Variants in TASP1 observed in about 807,000 individuals in gnomAD.
The protein encoded by TASP1 is taspase 1, also known as threonine aspartase 1.
Under a neutral mutation model 56.6 loss-of-function variants are expected in TASP1, and 16 were observed. The observed-to-expected ratio is 0.28, with a 90% CI of 0.19 to 0.43. The LOEUF (loss-of-function observed/expected upper bound fraction) is 0.43, where lower values mean the gene tolerates loss of function less well. Among genes scored for constraint, TASP1 ranks in the 20% least tolerant of loss-of-function variants. The probability of loss-of-function intolerance (pLI) is 1.00; values close to 1 mark genes in which losing one functional copy is unlikely to be tolerated. For synonymous variants in TASP1, 179 were observed against 184.2 expected, an observed-to-expected ratio of 0.97 and a Z score of 0.23; for missense variants, 393 against 511.6, an observed-to-expected ratio of 0.77 and a Z score of 2.24.
At chr20:13,530,540 T>C (rs777805701) in intron 9 of TASP1, among the ~76,000 whole-genome samples, 13 of 152,214 alleles carry the variant, frequency 8.5e-5, no homozygotes, top group East Asian at 7.7e-4. Flanking sequence ...TCTTTCTTCA[T>C]TGAAAACTAT....
At chr20:13,548,576 T>A (rs1262489622) in intron 8 of TASP1, among the ~76,000 whole-genome samples, 1 of 152,168 alleles carries the variant, frequency 6.6e-6, no homozygotes, top group Non-Finnish European at 1.5e-5. Context: ...GAGAACTGGC[T>A]GCCTGGTGAA....
chr20:13,124,438 G>GA, the TASP1 span, among the ~76,000 whole-genome samples: 1 of 151,868 alleles, frequency 6.6e-6, no homozygotes, highest in African/African-American at 2.4e-5. Context: ...AATTTGAAAT[G>GA]AAAAGAGAGA....
At chr20:13,191,479 A>G in the TASP1 span, among the ~76,000 whole-genome samples, 1 of 152,228 alleles carries the variant, frequency 6.6e-6, no homozygotes, top group Admixed American at 6.5e-5. Context: ...AAGTGAAATA[A>G]ATCAAGCACA....
At position 13,580,314 on chromosome 20, in the gene TASP1, G is replaced by A. The variant is rs575368298; in HGVS notation, c.488+583C>T. On this transcript the variant is annotated intron_variant, in intron 6 of 13. Transcript: ENST00000337743. The stretch of plus-strand genomic sequence containing the variant: ...ATAAAAATAATGTCCAGGAACGGTG[G>A]CACATGCATGTAGTCCCAGCTACTC... Among the ~76,000 whole-genome samples, 4 of 152,262 alleles carry A rather than the reference G, an allele frequency of 2.6e-5. No homozygotes were observed. In the East Asian group the frequency reaches 7.7e-4, roughly 29 times the overall value.
intron 10 of TASP1, 128 bp downstream of exon 10, chr20:13,528,305 G>T: frequency 3.6e-6 from 2 of 552,984 alleles, no homozygotes; most frequent in Non-Finnish European, 3.0e-6. Flanking sequence ...CGCAAATACT[G>T]AAGATCTTTC....
At chr20:13,570,503 A>G (rs2046675796) in intron 6 of TASP1, among the ~76,000 whole-genome samples, 1 of 152,138 alleles carries the variant, frequency 6.6e-6, no homozygotes. Flanking sequence ...GACTGCTAAT[A>G]AGACCAGTGA....
chr20:13,512,836 C>T (rs1373364155), intron 10 of TASP1, among the ~76,000 whole-genome samples: 1 of 152,138 alleles, frequency 6.6e-6, no homozygotes, highest in South Asian at 2.1e-4. Flanking sequence ...CCAGTTTTCC[C>T]GGCACCATTT....
chr20:13,200,703 A>G, the TASP1 span, among the ~76,000 whole-genome samples: 1 of 152,256 alleles, frequency 6.6e-6, no homozygotes, highest in South Asian at 2.1e-4. Flanking sequence ...ACAAAATTGA[A>G]AACACCAACG....
chr20:13,325,602 G>A, the TASP1 span, among the ~76,000 whole-genome samples: 5 of 152,204 alleles, frequency 3.3e-5, no homozygotes, highest in South Asian at 2.1e-4. Flanking sequence ...CAAAAACCCT[G>A]TGTTCCCTTC....
At chr20:13,553,863 CAAT>C in intron 8 of TASP1, among the ~76,000 whole-genome samples, 1 of 152,092 alleles carries the variant, frequency 6.6e-6, no homozygotes, top group East Asian at 1.9e-4. Context: ...TTTGGGAAGA[CAAT>C]GTGTCTATCC....
chr20:13,273,829 C>T, the TASP1 span, among the ~76,000 whole-genome samples: 1 of 152,300 alleles, frequency 6.6e-6, no homozygotes, highest in East Asian at 1.9e-4. Flanking sequence ...CTGCTCTATA[C>T]AATCCCTATC....
the TASP1 span, among the ~76,000 whole-genome samples, chr20:13,121,667 T>TG: frequency 5.9e-5 from 9 of 151,888 alleles, no homozygotes; most frequent in Non-Finnish European, 1.0e-4. Flanking sequence ...TAGCACCCAA[T>TG]GGGGGAACGA....
chr20:13,463,445 C>T (rs1412261962), intron 11 of TASP1, among the ~76,000 whole-genome samples: 1 of 152,036 alleles, frequency 6.6e-6, no homozygotes, highest in East Asian at 1.9e-4. Flanking sequence ...AGCTTCATGA[C>T]ATTGGATTTG....
chr20:13,142,845 C>A, the TASP1 span, among the ~76,000 whole-genome samples: 4 of 152,192 alleles, frequency 2.6e-5, no homozygotes, highest in South Asian at 8.3e-4. Context: ...GTTTCCGTCT[C>A]ATGAGGGCCC....
At chr20:13,393,199 C>A in intron 13 of TASP1, 1 of 709,622 alleles carries the variant, frequency 1.4e-6, no homozygotes, top group Non-Finnish European at 2.6e-6. Flanking sequence ...GGATTCATGA[C>A]CACAGTCCAC....
intron 11 of TASP1, among the ~76,000 whole-genome samples, chr20:13,455,682 G>A (rs1185745828): frequency 2.0e-5 from 3 of 152,044 alleles, no homozygotes; most frequent in Non-Finnish European, 2.9e-5. Flanking sequence ...CAATTTGCAA[G>A]GAAAAAAATG....
At chr20:13,577,659 T>A (rs2046971514) in intron 6 of TASP1, among the ~76,000 whole-genome samples, 2 of 152,092 alleles carry the variant, frequency 1.3e-5, no homozygotes, top group Non-Finnish European at 2.9e-5. Context: ...AAGGACACAG[T>A]GAGAAGGCAA....
chr20:13,622,596 A>C (rs2048753659), intron 4 of TASP1, among the ~76,000 whole-genome samples: 1 of 152,182 alleles, frequency 6.6e-6, no homozygotes, highest in South Asian at 2.1e-4. Context: ...TTTCACAAGG[A>C]AAGGCATGAA....
At chr20:13,135,127 T>C in the TASP1 span, among the ~76,000 whole-genome samples, 7 of 152,238 alleles carry the variant, frequency 4.6e-5, no homozygotes, top group Admixed American at 4.6e-4. Context: ...CTGCCATTTC[T>C]CCAATAACTG....
Sources: gnomAD v4.1 joint callset for allele counts (sites outside exome capture counted in the v4.1 genomes callset) on GRCh38, gnomAD v4.1.1 for gene constraint, MANE v1.5 for transcripts, NCBI Gene and HGNC (gene_info 2026-07-23, HGNC 2026-07-21) for gene names.